The following NDUFA7 variants were observed in gnomAD, a reference collection of about 807,000 sequenced individuals.
NDUFA7 encodes NADH dehydrogenase [ubiquinone] 1 alpha subcomplex subunit 7.
NDUFA7 carries 18 observed loss-of-function variants against 14.2 expected under a neutral mutation model. The ratio of observed to expected loss-of-function variants is 1.27; its 90% CI spans 0.88 to 1.88. The LOEUF is 1.88. Ranked by LOEUF, NDUFA7 falls within the 40% of genes most tolerant of loss-of-function variation. The pLI is 0.00. For synonymous variants in NDUFA7, 75 were observed against 62.1 expected (o/e 1.21, Z -0.98); for missense variants, 172 against 147.3 (o/e 1.17, Z -0.87).
rs1205228067 is a variant in NDUFA7 at position 8,321,305 on chromosome 19, C to T, written c.51+3G>A. ...ATGGTGCAGCCCTGTCCGCCCCGCG[C>T]ACCCCGGACGCCCAGTTCCGCAGCC... On this transcript the variant is annotated splice_donor_region_variant and intron_variant, in intron 1 of 3. Coordinates refer to ENST00000301457, the MANE Select transcript of NDUFA7 (RefSeq NM_005001.5). The T allele has an allele frequency of 6.4e-7, 1 of 1,569,874 alleles. No homozygotes were observed. The highest frequency in any genetic ancestry group is 1.8e-5 in the Admixed American group (1 of 54,172).
At chr19:8,314,003 C>T (rs903569700) in intron 3 of NDUFA7, among the ~76,000 whole-genome samples, 1 of 152,146 alleles carries the variant, frequency 6.6e-6, no homozygotes, top group Non-Finnish European at 1.5e-5. Context: ...GAGAGGAGCC[C>T]AAGGTTTATA....
rs765949122 is a variant in NDUFA7 at position 8,320,913 on chromosome 19, G to A, written c.52-7C>T. The A allele has an allele frequency of 1.1e-5, 17 of 1,613,662 alleles. No homozygotes were observed. The highest frequency in any genetic ancestry group is 1.4e-5 in the Non-Finnish European group (16 of 1,180,008). The stretch of plus-strand genomic sequence containing the variant: ...GCTTCCCCTGCAGGTCATGCTGTGG[G>A]AAGAGGAGAGGAGAGGTCGGCCTGC... On this transcript the variant is annotated splice_polypyrimidine_tract_variant and splice_region_variant and intron_variant, in intron 1 of 3. Transcript: ENST00000301457.
chr19:8,311,615 C>T lies in NDUFA7; in HGVS notation c.252-20G>A, dbSNP rs748617705. On this transcript the variant is annotated intron_variant, in intron 3 of 3. Transcript: ENST00000301457. ...GCAGAGCTGGAGGAGGGAAAGACTT[C>T]AGTGAGGGTTTCCAAAGAACAGTGT... is the stretch of plus-strand genomic sequence containing the variant. 1.2e-6 allele frequency: 2 copies of T among 1,600,666 alleles called. No individual in the cohort carries two copies. Among genetic ancestry groups the T allele is most frequent in the African/African-American group, 1.3e-5 (1 of 74,662 alleles).
At position 8,311,364 on chromosome 19, in the gene NDUFA7, ACTCTGT is replaced by A. The variant is rs1188576451; in HGVS notation, c.*135_*140del. The A allele has an allele frequency of 1.1e-4, 71 of 661,540 alleles. No individual in the cohort carries two copies. The highest frequency in any genetic ancestry group is 1.6e-4 in the Non-Finnish European group (64 of 400,742). The allele number at this position is 661,540 out of a possible 1,614,324, so 41.0% of individuals were successfully genotyped here. ...AGATCAGCCTGGGAAACATGGTGAG[ACTCTGT>A]CTCTATTTTTTTATTTTTTAAAGTA... On this transcript the variant is annotated 3_prime_UTR_variant, in exon 4 of 4. Transcript: ENST00000301457.
intron 2 of NDUFA7, among the ~76,000 whole-genome samples, chr19:8,317,578 C>T (rs186532623): frequency 9.1e-4 from 139 of 152,254 alleles, no homozygotes; most frequent in Middle Eastern, 3.4e-3. Flanking sequence ...ACAGCAAAAA[C>T]CGTAAATTGA....
intron 3 of NDUFA7, among the ~76,000 whole-genome samples, chr19:8,312,178 G>A (rs796255923): frequency 2.0e-5 from 3 of 152,346 alleles, no homozygotes; most frequent in African/African-American, 7.2e-5. Flanking sequence ...GAGACCCTGT[G>A]CCGGCAAGTC....
Position 8,320,842 on chromosome 19 carries a change from G to A in NDUFA7, c.101+15C>T. 1 of 1,613,688 alleles carries A rather than the reference G, an allele frequency of 6.2e-7. No homozygotes were observed. The highest frequency in any genetic ancestry group is 8.5e-7 in the Non-Finnish European group (1 of 1,179,994). On this transcript the variant is annotated intron_variant, in intron 2 of 3. Transcript: ENST00000301457. ...GACAGAGCCAGAGGCTGGGCAGCGA[G>A]CGGGGCCTGCTCACCGCTTGGAGAT...
At chr19:8,312,993 C>T (rs968273740) in intron 3 of NDUFA7, among the ~76,000 whole-genome samples, 2 of 152,038 alleles carry the variant, frequency 1.3e-5, no homozygotes, top group African/African-American at 4.8e-5. Flanking sequence ...GGCAGGGTTT[C>T]GCCCTGTTGG....
At chr19:8,320,957 G>A (rs1970298383) in intron 1 of NDUFA7, 51 bp from the exon 2 acceptor site, 3 of 1,602,724 alleles carry the variant, frequency 1.9e-6, no homozygotes, top group African/African-American at 1.3e-5. Flanking sequence ...CCAGGAGAGA[G>A]GAAAGGAGAG....
At chr19:8,314,684 CG>C (rs368528765) in intron 3 of NDUFA7, among the ~76,000 whole-genome samples, 33 of 152,270 alleles carry the variant, frequency 2.2e-4, no homozygotes, top group African/African-American at 7.5e-4. Context: ...GAGGCCAACG[CG>C]GGCAGATCAT....
downstream of NDUFA7, among the ~76,000 whole-genome samples, chr19:8,310,329 T>TGA (rs1055765907): frequency 5.9e-5 from 9 of 151,826 alleles, no homozygotes; most frequent in Non-Finnish European, 1.3e-4. Flanking sequence ...CTCGGGAGGC[T>TGA]GAGGCAAGAG....
intron 3 of NDUFA7, among the ~76,000 whole-genome samples, chr19:8,314,979 C>T (rs147475767): frequency 1.8e-4 from 28 of 152,212 alleles, no homozygotes; most frequent in African/African-American, 3.9e-4. Context: ...GTAATCTTAC[C>T]CCCAACCCTG....
chr19:8,310,204 C>T (rs892343094), downstream of NDUFA7, among the ~76,000 whole-genome samples: 5 of 152,126 alleles, frequency 3.3e-5, no homozygotes, highest in South Asian at 2.1e-4. Flanking sequence ...CAGAGGTGGG[C>T]GGATCACTTG....
At chr19:8,316,720 T>C (rs886303436) in intron 2 of NDUFA7, 75 bp from the exon 3 acceptor site, 1 of 1,545,852 alleles carries the variant, frequency 6.5e-7, no homozygotes. Context: ...CCCTGTCACC[T>C]CAGTCACAAA....
intron 3 of NDUFA7, among the ~76,000 whole-genome samples, chr19:8,312,463 G>A (rs550170388): frequency 6.6e-6 from 1 of 152,256 alleles, no homozygotes; most frequent in Admixed American, 6.5e-5. Context: ...ATCAGAAGGT[G>A]ACAACAAGGA....
At chr19:8,321,129 TGAGTGGTTC>T in intron 1 of NDUFA7, 170 bp downstream of exon 1, 2 of 919,774 alleles carry the variant, frequency 2.2e-6, no homozygotes, top group Non-Finnish European at 3.2e-6. Context: ...ATCCCAGGCC[TGAGTGGTTC>T]CCAGGCCAGG....
chr19:8,314,740 C>T (rs1480941232), intron 3 of NDUFA7, among the ~76,000 whole-genome samples: 2 of 152,120 alleles, frequency 1.3e-5, no homozygotes, highest in Non-Finnish European at 2.9e-5. Flanking sequence ...GGTGAAACCC[C>T]GTCTCTACTA....
intron 3 of NDUFA7, among the ~76,000 whole-genome samples, chr19:8,311,932 C>T (rs79019255): frequency 6.6e-6 from 1 of 152,196 alleles, no homozygotes; most frequent in East Asian, 1.9e-4. Flanking sequence ...TTCCTGCTGC[C>T]CCTCAAAACA....
At chr19:8,313,292 G>A (rs979078247) in intron 3 of NDUFA7, among the ~76,000 whole-genome samples, 29 of 151,106 alleles carry the variant, frequency 1.9e-4, no homozygotes, top group African/African-American at 6.3e-4. Flanking sequence ...GTGCAGTGGC[G>A]CGATCTCAGT....
Sources: allele counts gnomAD v4.1 joint callset (sites outside exome capture counted in the v4.1 genomes callset), GRCh38; gene constraint gnomAD v4.1.1; transcripts MANE v1.5; gene names NCBI Gene and HGNC (gene_info 2026-07-23, HGNC 2026-07-21).